NPHP4: variants seen among roughly 807,000 people sequenced by gnomAD.
NPHP4 encodes nephrocystin-4.
NPHP4 carries 151 observed loss-of-function variants against 155.8 expected under a neutral mutation model. That is an observed-to-expected ratio of 0.97 (90% CI 0.85 to 1.11). The LOEUF (loss-of-function observed/expected upper bound fraction) is 1.11. Among genes scored for constraint, NPHP4 ranks in the 50% least tolerant of loss-of-function variants. The pLI is 0.00. For synonymous variants in NPHP4, 845 were observed against 816.8 expected (o/e 1.03, Z -0.59); for missense variants, 1,956 against 1,925.7 (o/e 1.02, Z -0.29).
intron 9 of NPHP4, among the ~76,000 whole-genome samples, chr1:5,945,832 C>A (rs1647058418): frequency 6.6e-6 from 1 of 152,174 alleles, no homozygotes; most frequent in Admixed American, 6.5e-5. Flanking sequence ...AAACAGAAAA[C>A]TCCAGAAGAA....
chr1:5,970,355 T>C (rs560853578), intron 3 of NPHP4, among the ~76,000 whole-genome samples: 6 of 151,706 alleles, frequency 4.0e-5, no homozygotes, highest in African/African-American at 1.2e-4. Context: ...ATACAAAAAT[T>C]AGCCAGGCAT....
chr1:5,950,297 A>G (rs1570596577), intron 7 of NPHP4, among the ~76,000 whole-genome samples: 1 of 152,084 alleles, frequency 6.6e-6, no homozygotes, highest in Non-Finnish European at 1.5e-5. Flanking sequence ...AGCATAACAG[A>G]CCGCACCAGC....
intron 11 of NPHP4, among the ~76,000 whole-genome samples, chr1:5,920,192 A>C (rs184096526): frequency 6.6e-6 from 1 of 152,164 alleles, no homozygotes; most frequent in Non-Finnish European, 1.5e-5. Context: ...GAACCTCCCA[A>C]AGTGCTGGGA....
intron 11 of NPHP4, among the ~76,000 whole-genome samples, chr1:5,914,257 C>CAAAAA (rs575438284): frequency 0.043 from 2,021 of 47,282 alleles, 381 homozygotes; most frequent in East Asian, 0.19. Flanking sequence ...CTTATCTATA[C>CAAAAA]AAAAAAAAAA....
intron 11 of NPHP4, among the ~76,000 whole-genome samples, chr1:5,911,688 C>T (rs1275304563): frequency 1.3e-5 from 2 of 152,148 alleles, no homozygotes; most frequent in African/African-American, 4.8e-5. Flanking sequence ...TAAAAAGATA[C>T]CTGGTGGGAA....
intron 6 of NPHP4, among the ~76,000 whole-genome samples, chr1:5,956,153 G>A (rs1333727487): frequency 6.6e-6 from 1 of 151,562 alleles, no homozygotes; most frequent in Non-Finnish European, 1.5e-5. Flanking sequence ...AAGATCACTT[G>A]TGTGCCATGG....
At chr1:5,870,003 GTGTA>G (rs1641834770) in intron 23 of NPHP4, among the ~76,000 whole-genome samples, 1 of 152,230 alleles carries the variant, frequency 6.6e-6, no homozygotes, top group Non-Finnish European at 1.5e-5. Flanking sequence ...TGCACATATT[GTGTA>G]TGTATGTATC....
In NPHP4 at chr1:5,889,472, C is replaced by T. The variant is rs1382294436; in HGVS notation, c.2304+1396G>A. On this transcript the variant is annotated intron_variant, in intron 17 of 29. Transcript: ENST00000378156. This position sits in a 1 kb window ranked among gnomAD's most constrained non-coding sequence, Gnocchi z 4.2. ...CGTAACGGCACTTGTTTAAGGGGCT[C>T]TTCGTGTAGGGGGAGATCAAATGGC... is the stretch of plus-strand genomic sequence containing the variant. 6.6e-6 allele frequency among the ~76,000 whole-genome samples: 1 copy of T among 152,186 alleles called. No homozygotes were observed. Among genetic ancestry groups the T allele is most frequent in the Non-Finnish European group, 1.5e-5 (1 of 68,034 alleles).
intron 3 of NPHP4, among the ~76,000 whole-genome samples, chr1:5,975,029 G>C (rs1298474844): frequency 6.6e-6 from 1 of 152,200 alleles, no homozygotes; most frequent in Non-Finnish European, 1.5e-5. Context: ...CCCCTAAAAA[G>C]GGCAAAGGGT....
At chr1:5,871,680 G>T (rs1237342247) in intron 23 of NPHP4, among the ~76,000 whole-genome samples, 1 of 152,166 alleles carries the variant, frequency 6.6e-6, no homozygotes, top group South Asian at 2.1e-4. Flanking sequence ...ACCTGAGCAC[G>T]GTGACAGCCA....
At chr1:5,969,342 C>T (rs768517568) in intron 3 of NPHP4, 83 bp from the exon 4 acceptor site, 23 of 838,550 alleles carry the variant, frequency 2.7e-5, no homozygotes, top group Admixed American at 8.8e-5. Flanking sequence ...CCCCCGAGAC[C>T]GCCTTCCTAC....
chr1:5,877,248 C>T lies in NPHP4; in HGVS notation c.2662G>A (p.Ala888Thr). Residue 888 changes from alanine (A) to threonine (T), a missense_variant, in exon 20 of 30, where the codon GCT becomes ACT. By Grantham distance (58) the Ala-to-Thr change is moderately conservative. Coordinates refer to ENST00000378156, the MANE Select transcript of NPHP4 (RefSeq NM_015102.5). ...QKLADVDSEL[A>T]AMLLTHARQG... Reference sequence around the variant, plus strand: ...CGGGCATGGGTCAGTAGCATGGCAGCCAGCTCACTGTCCACGTCCGCCAGC... The same window carrying T: ...CGGGCATGGGTCAGTAGCATGGCAGTCAGCTCACTGTCCACGTCCGCCAGC... The T allele has an allele frequency of 6.2e-7, 1 of 1,608,522 alleles. No individual in the cohort carries two copies. Among genetic ancestry groups the T allele is most frequent in the East Asian group, 2.2e-5 (1 of 44,690 alleles).
intron 18 of NPHP4, chr1:5,881,156 C>T (rs1218326369): frequency 6.6e-6 from 1 of 152,246 alleles, no homozygotes; most frequent in Non-Finnish European, 1.5e-5. Flanking sequence ...CTGGCCAGGT[C>T]CCTCCTTGGC....
At chr1:5,884,322 T>C (rs1225580744) in intron 18 of NPHP4, among the ~76,000 whole-genome samples, 1 of 152,070 alleles carries the variant, frequency 6.6e-6, no homozygotes, top group East Asian at 1.9e-4. Context: ...CCAGTTCTCC[T>C]AGGATGTCCT....
chr1:5,905,327 G>C lies in NPHP4; in HGVS notation c.1920C>G (p.Ser640Arg). The C allele has an allele frequency of 6.2e-7, 1 of 1,613,824 alleles. No homozygotes were observed. Among genetic ancestry groups the C allele is most frequent in the Non-Finnish European group, 8.5e-7 (1 of 1,179,718 alleles). ...PQKEESDCLQ[S>R]NEMVLQFLAF... Reference sequence around the variant, plus strand: ...CAAGAAACTGTAGCACCATCTCGTTGCTTTGTAGACAATCTGATTCTTCCT... The same window carrying C: ...CAAGAAACTGTAGCACCATCTCGTTCCTTTGTAGACAATCTGATTCTTCCT... Residue 640 changes from serine to arginine, a missense_variant, in exon 15 of 30, where the codon AGC (serine) becomes AGG (arginine). By Grantham distance (110) the Ser-to-Arg change is moderately radical. Coordinates refer to ENST00000378156, the MANE Select transcript of NPHP4 (RefSeq NM_015102.5). The surrounding 1 kb of genome is among the most constrained non-coding windows in gnomAD (Gnocchi z 4.0).
chr1:5,905,426 G>C lies in NPHP4; in HGVS notation c.1821C>G (p.Pro607=), dbSNP rs749297150. Residue 607 remains proline, a synonymous_variant, in exon 15 of 30, where the codon CCC becomes CCG. Coordinates refer to ENST00000378156, the MANE Select transcript of NPHP4 (RefSeq NM_015102.5). This position sits in a 1 kb window ranked among gnomAD's most constrained non-coding sequence, Gnocchi z 4.0. ...GCTGTTTATTGGCATCCAGAATCTC[G>C]GGAAAGCCGGAGGACTGCAGGAGCA... is the stretch of plus-strand genomic sequence containing the variant. ...SMVLLQSSGF[P]EILDANKQPA... The C allele has an allele frequency of 1.2e-6, 2 of 1,612,274 alleles. No individual in the cohort carries two copies. Among genetic ancestry groups the C allele is most frequent in the Non-Finnish European group, 1.7e-6 (2 of 1,178,530 alleles).
At chr1:5,962,638 AC>A (rs1218340013) in intron 5 of NPHP4, among the ~76,000 whole-genome samples, 8 of 152,198 alleles carry the variant, frequency 5.3e-5, no homozygotes, top group Non-Finnish European at 1.5e-5. Flanking sequence ...GATGGCTAAG[AC>A]CAAACACGTG....
Position 5,887,879 on chromosome 1 carries a change from C to T in NPHP4, c.2305-413G>A, listed in dbSNP as rs116686413. ...GTCTGGGACAGCGAGGAATCCAGGA[C>T]GGAAACCCCAATGGGACTCCAGGAG... On this transcript the variant is annotated intron_variant, in intron 17 of 29. Transcript: ENST00000378156. Among the ~76,000 whole-genome samples, 867 of 152,294 alleles carry T rather than the reference C, an allele frequency of 5.7e-3. 6 individuals are homozygous for T. The highest frequency in any genetic ancestry group is 0.02 in the African/African-American group (832 of 41,548).
At position 5,863,107 on chromosome 1, in the gene NPHP4, C is replaced by T; in HGVS notation, c.*158G>A. The T allele has an allele frequency of 5.5e-6, 4 of 721,852 alleles. No homozygotes were observed. The highest frequency in any genetic ancestry group is 7.1e-6 in the Non-Finnish European group (3 of 419,938). 44.7% of individuals were successfully genotyped at this position (721,852 alleles called of 1,614,324 possible). A position where few individuals can be genotyped will look rare whatever the true frequency, so the allele number is the denominator to read the frequency against. Reference sequence around the variant, plus strand: ...CTGGATGCAGGTACTACAAAATGACCAGCGCTCGGTCTCTGCTTCCTCAGC... The same window carrying T: ...CTGGATGCAGGTACTACAAAATGACTAGCGCTCGGTCTCTGCTTCCTCAGC... On this transcript the variant is annotated 3_prime_UTR_variant, in exon 30 of 30. Transcript: ENST00000378156.
Sources: gnomAD v4.1 joint callset for allele counts (sites outside exome capture counted in the v4.1 genomes callset) on GRCh38, gnomAD v4.1.1 for gene constraint, Gnocchi (gnomAD v3.1) non-coding constraint, MANE v1.5 for transcripts, NCBI Gene and HGNC (gene_info 2026-07-23, HGNC 2026-07-21) for gene names.